The following TPR variants were observed in gnomAD, a reference collection of about 807,000 sequenced individuals.
TPR encodes the protein translocated promoter region, nuclear basket protein.
A neutral mutation model predicts 316.1 loss-of-function variants in TPR; 51 were observed. The ratio of observed to expected loss-of-function variants is 0.16; its 90% CI spans 0.13 to 0.20. The LOEUF (loss-of-function observed/expected upper bound fraction) is 0.20. Ranked by LOEUF, TPR falls within the 10% of genes least tolerant of loss-of-function variation. The probability of loss-of-function intolerance (pLI) is 1.00; values close to 1 mark genes in which losing one functional copy is unlikely to be tolerated. For synonymous variants in TPR, 981 were observed against 914.7 expected (o/e 1.07, Z -1.31); for missense variants, 2,272 against 2,754.8 (o/e 0.82, Z 3.92).
chr1:186,314,629 C>A lies in TPR; in HGVS notation c.7036G>T (p.Gly2346Cys). The A allele has an allele frequency of 6.2e-7, 1 of 1,602,660 alleles. No homozygotes were observed. The highest frequency in any genetic ancestry group is 1.7e-5 in the Admixed American group (1 of 58,556). ...TAATCCAGTTATGTCAGAAATTCAC[C>A]TCTCTGTCTGTTAAACTGACGACCA... is the stretch of plus-strand genomic sequence containing the variant. ...VRGRQFNRQR[G>C]VSHAMGGRGG... The change falls in exon 50 of 51, where the codon GGT becomes TGT. Residue 2346 changes from glycine (G) to cysteine (C), a missense_variant and splice_region_variant. Gly to Cys is a radical substitution (Grantham distance 159, BLOSUM62 -3). Transcript: ENST00000367478.
Position 186,343,937 on chromosome 1 carries a change from T to C in TPR, c.3571A>G (p.Lys1191Glu). 1 of 1,613,598 alleles carries C rather than the reference T, an allele frequency of 6.2e-7. No homozygotes were observed. Among genetic ancestry groups the C allele is most frequent in the East Asian group, 2.2e-5 (1 of 44,858 alleles). Residue 1191 changes from lysine to glutamate, a missense_variant, in exon 26 of 51, where the codon AAA becomes GAA. This residue lies in a region of TPR where 757 missense variants were observed against 859.8 expected (regional missense o/e 0.88). Coordinates refer to ENST00000367478, the MANE Select transcript of TPR (RefSeq NM_003292.3). ...PLNVSLSEEG[K>E]SQEQILEILR... is the part of the protein sequence containing the mutation. The stretch of plus-strand genomic sequence containing the variant: ...ATTTCCAAAATTTGTTCTTGAGATT[T>C]TCCTTCTTCACTGAGAGATACATTC...
intron 5 of TPR, 143 bp downstream of exon 5, chr1:186,363,199 T>C (rs1354695318): frequency 4.2e-6 from 4 of 946,530 alleles, no homozygotes; most frequent in African/African-American, 1.7e-5. Flanking sequence ...TGAACTAGAA[T>C]TGTCCTAATG....
At chr1:186,353,235 G>A (rs1413439728) in intron 18 of TPR, among the ~76,000 whole-genome samples, 3 of 152,090 alleles carry the variant, frequency 2.0e-5, no homozygotes, top group Non-Finnish European at 2.9e-5. Flanking sequence ...AGCCAGGTGT[G>A]GTGGCGGGCA....
At chr1:186,369,968 T>G (rs550966990) in intron 3 of TPR, among the ~76,000 whole-genome samples, 2 of 152,122 alleles carry the variant, frequency 1.3e-5, no homozygotes, top group Non-Finnish European at 2.9e-5. Context: ...AGATCCATAG[T>G]TTTTACAAGA....
chr1:186,348,489 T>A (rs1397244122), intron 21 of TPR, among the ~76,000 whole-genome samples: 1 of 152,058 alleles, frequency 6.6e-6, no homozygotes, highest in Non-Finnish European at 1.5e-5. Flanking sequence ...CTTTTGCCCT[T>A]TGCCCTGTGA....
chr1:186,345,490 A>C (rs1658648433), intron 24 of TPR, 90 bp downstream of exon 24: 1 of 989,488 alleles, frequency 1.0e-6, no homozygotes, highest in Admixed American at 2.3e-5. Context: ...GAATTTTTGT[A>C]AGGTCCACCA....
intron 3 of TPR, among the ~76,000 whole-genome samples, chr1:186,368,858 T>C (rs766017960): frequency 6.6e-6 from 1 of 152,082 alleles, no homozygotes. Flanking sequence ...CTATGTTCAC[T>C]TCTCTGAGTT....
chr1:186,347,047 C>T (rs1658700461), intron 22 of TPR, among the ~76,000 whole-genome samples: 1 of 152,112 alleles, frequency 6.6e-6, no homozygotes, highest in African/African-American at 2.4e-5. Context: ...AATAACAATC[C>T]CTACCTCTCA....
Position 186,375,169 on chromosome 1 carries a change from G to C in TPR, c.-141C>G. ...GGCTCGCGCGCGCCCGCCCGCCGGA[G>C]ACTCCCGCGGCGGGACCCTGGGAAA... On this transcript the variant is annotated 5_prime_UTR_variant, in exon 1 of 51. Coordinates refer to ENST00000367478, the MANE Select transcript of TPR (RefSeq NM_003292.3). 1 of 1,540,814 alleles carries C rather than the reference G, an allele frequency of 6.5e-7. No homozygotes were observed. The highest frequency in any genetic ancestry group is 8.8e-7 in the Non-Finnish European group (1 of 1,142,384).
At position 186,312,093 on chromosome 1, in the gene TPR, C is replaced by T. The variant is rs1262037860; in HGVS notation, c.*1878G>A. 10 of 1,167,970 alleles carry T rather than the reference C, an allele frequency of 8.6e-6. No individual in the cohort carries two copies. In the East Asian group the frequency reaches 1.7e-4, roughly 20 times the overall value. 72.4% of individuals were successfully genotyped at this position (1,167,970 alleles called of 1,614,324 possible). On this transcript the variant is annotated 3_prime_UTR_variant, in exon 51 of 51. Transcript: ENST00000367478. ...AATGAGAACAAAACTGTTTCCTATA[C>T]ATTGTAAAAGTTGTTTTCCACCTTT...
chr1:186,336,077 A>T (rs766150101), intron 33 of TPR, among the ~76,000 whole-genome samples: 1 of 152,080 alleles, frequency 6.6e-6, no homozygotes, highest in Non-Finnish European at 1.5e-5. Context: ...TAAATTTGAC[A>T]TGATACTCTC....
chr1:186,320,601 C>T (rs1657749475), intron 45 of TPR, among the ~76,000 whole-genome samples, 183 bp from the exon 46 acceptor site: 1 of 152,120 alleles, frequency 6.6e-6, no homozygotes, highest in South Asian at 2.1e-4. Flanking sequence ...ATACTATCAG[C>T]TGTCAATGAA....
chr1:186,374,975 G>A lies in TPR; in HGVS notation c.54C>T (p.Pro18=), dbSNP rs1659668130. Residue 18 remains proline, a synonymous_variant, in exon 1 of 51, where the codon CCC becomes CCT. Transcript: ENST00000367478. ...VLERTELNKL[P]KSVQNKLEKF... is the part of the protein sequence containing the mutation. ...TTTCAAGTTTGTTCTGGACAGACTT[G>A]GGCAGCTTGTTCAGCTCCGTGCGCT... The A allele has an allele frequency of 2.5e-6, 4 of 1,613,966 alleles. No homozygotes were observed. The highest frequency in any genetic ancestry group is 3.4e-6 in the Non-Finnish European group (4 of 1,180,010).
At chr1:186,322,647 C>G (rs993161008) in intron 43 of TPR, 61 bp from the exon 44 acceptor site, 1 of 1,497,944 alleles carries the variant, frequency 6.7e-7, no homozygotes, top group African/African-American at 1.4e-5. Context: ...AAACAAACAC[C>G]AAATATCAAC....
Position 186,326,377 on chromosome 1 carries a change from C to T in TPR, c.5890-142G>A, listed in dbSNP as rs553064965. On this transcript the variant is annotated intron_variant, in intron 40 of 50. Transcript: ENST00000367478. ...TCCTGAGAGTTGTATGGGATTAGTA[C>T]AGCAGCACCAAATACCACAACTGTG... 132 of 1,250,004 alleles carry T rather than the reference C, an allele frequency of 1.1e-4. No individual in the cohort carries two copies. In the African/African-American group the frequency reaches 1.9e-3, roughly 18 times the overall value. The allele number at this position is 1,250,004 out of a possible 1,614,324, so 77.4% of individuals were successfully genotyped here. A position where few individuals can be genotyped will look rare whatever the true frequency, so the allele number is the denominator to read the frequency against.
In TPR at chr1:186,350,602, A is replaced by T. The variant is rs10911852; in HGVS notation, c.2611-214T>A. On this transcript the variant is annotated intron_variant, in intron 20 of 50. Coordinates refer to ENST00000367478, the MANE Select transcript of TPR (RefSeq NM_003292.3). ...AAAGAGGTGAACCTTAGATTGCCTT[A>T]GTTTACTGATTTAAAAGTTTCCAGG... 7.7e-3 allele frequency among the ~76,000 whole-genome samples: 1,172 copies of T among 152,242 alleles called. 18 individuals are homozygous for T. Among genetic ancestry groups the T allele is most frequent in the African/African-American group, 0.027 (1,101 of 41,536 alleles).
At chr1:186,339,599 C>T (rs771015440) in intron 30 of TPR, 43 bp downstream of exon 30, 3 of 1,393,406 alleles carry the variant, frequency 2.2e-6, no homozygotes, top group Non-Finnish European at 2.8e-6. Flanking sequence ...GTAAAATAAA[C>T]TTCTTTTATA....
In TPR at chr1:186,317,509, G is replaced by C; in HGVS notation, c.6913C>G (p.Gln2305Glu). ...ACAGATGAGCTAGAAGGAGGATCCTGGCTGGTGGAGGGGAGATCTGACTCA... is the reference window on the plus strand; with the variant it reads ...ACAGATGAGCTAGAAGGAGGATCCTCGCTGGTGGAGGGGAGATCTGACTCA... ...SDESDLPSTS[Q>E]DPPSSSSVDT... Residue 2305 changes from glutamine (Q) to glutamate (E), a missense_variant, in exon 49 of 51, where the codon CAG becomes GAG. Gln to Glu is a conservative substitution (Grantham distance 29, BLOSUM62 2). Around this residue, in one of 10 missense-constraint regions of TPR, gnomAD observed 123 missense variants for 142.3 expected, o/e 0.86. Transcript: ENST00000367478. 1 of 1,614,146 alleles carries C rather than the reference G, an allele frequency of 6.2e-7. No individual in the cohort carries two copies. The highest frequency in any genetic ancestry group is 8.5e-7 in the Non-Finnish European group (1 of 1,180,010).
At chr1:186,317,387 A>T in intron 49 of TPR, 95 bp downstream of exon 49, 1 of 981,530 alleles carries the variant, frequency 1.0e-6, no homozygotes, top group South Asian at 1.4e-5. Context: ...AAAATACAGG[A>T]AAAAAGGATT....
Sources: gnomAD v4.1 joint callset for allele counts (sites outside exome capture counted in the v4.1 genomes callset) on GRCh38, gnomAD v4.1.1 for gene constraint, gnomAD v4.1.1 regional missense constraint, MANE v1.5 for transcripts, NCBI Gene and HGNC (gene_info 2026-07-23, HGNC 2026-07-21) for gene names.